ADGRG4: variants seen among roughly 807,000 people sequenced by gnomAD.
ADGRG4 encodes the protein adhesion G protein-coupled receptor G4, also known as G protein-coupled receptor 112.
A neutral mutation model predicts 126.2 loss-of-function variants in ADGRG4; 122 were observed. The observed-to-expected ratio is 0.97, with a 90% confidence interval of 0.83 to 1.12. The LOEUF is 1.12. Among genes scored for constraint, ADGRG4 ranks in the 50% most tolerant of loss-of-function variants. ADGRG4 has a pLI of 0.00. For synonymous variants in ADGRG4, 943 were observed against 838.7 expected (o/e 1.12, Z -2.15); for missense variants, 2,481 against 2,251.8 (o/e 1.10, Z -2.06).
At chrX:136,330,171 A>G (rs181937154) in intron 5 of ADGRG4, among the ~76,000 whole-genome samples, 280 of 111,200 alleles carry the variant, frequency 2.5e-3, no homozygotes, top group Non-Finnish European at 3.7e-3. Flanking sequence ...AAACTTGTGT[A>G]TCTACCAGCA....
Position 136,323,105 on chromosome X carries a change from T to TAGA in ADGRG4, c.400_402dup (p.Glu134dup), listed in dbSNP as rs772857643. The TAGA allele has an allele frequency of 1.7e-6, 2 of 1,211,334 alleles. No homozygotes were observed. The highest frequency in any genetic ancestry group is 2.2e-6 in the Non-Finnish European group (2 of 895,254). ...ATATGGGATGGTGTGAAGGGCAAAT[T>TAGA]AGAACTCTTCCTGAATAAAGAAAGG... On this transcript the variant is annotated inframe_insertion, in exon 5 of 26. Coordinates refer to ENST00000394143, the MANE Select transcript of ADGRG4 (RefSeq NM_153834.4).
intron 5 of ADGRG4, among the ~76,000 whole-genome samples, chrX:136,328,988 A>G (rs776658856): frequency 2.8e-4 from 31 of 111,388 alleles, no homozygotes; most frequent in Non-Finnish European, 5.3e-4. Context: ...CTGTCTGTCT[A>G]TTGCAGCATT....
chrX:136,410,971 T>C (rs763705221), intron 23 of ADGRG4, among the ~76,000 whole-genome samples: 64 of 112,294 alleles, frequency 5.7e-4, no homozygotes, highest in Admixed American at 1.8e-3. Context: ...AACATAAATA[T>C]AAGTCAGGCT....
chrX:136,302,641 G>A (rs1291869531), intron 1 of ADGRG4, among the ~76,000 whole-genome samples: 1 of 111,800 alleles, frequency 8.9e-6, no homozygotes, highest in Non-Finnish European at 1.9e-5. Context: ...TGTTTTGTTT[G>A]CTGCTGAATC....
rs149450873 is a variant in ADGRG4 at position 136,363,329 on chromosome X, A to G, written c.7278-148A>G. ...AAGAGCAAAATTTCTTCATTTCACA[A>G]AGAAGTACTGGGCTCCCACCTTTGC... On this transcript the variant is annotated intron_variant, in intron 12 of 25. Coordinates refer to ENST00000394143, the MANE Select transcript of ADGRG4 (RefSeq NM_153834.4). The G allele has an allele frequency of 5.7e-3, 2,688 of 474,979 alleles. 55 individuals carry two copies. The African/African-American group carries it at 0.057, about 10-fold the overall frequency. 39.1% of individuals were successfully genotyped at this position (474,979 alleles called of 1,213,427 possible).
In ADGRG4 at chrX:136,392,292, A is replaced by G. The variant is rs2075324124; in HGVS notation, c.7972A>G (p.Met2658Val). The G allele has an allele frequency of 8.7e-7, 1 of 1,154,688 alleles. No individual in the cohort carries two copies. The highest frequency in any genetic ancestry group is 2.3e-5 in the Admixed American group (1 of 43,509). The part of the protein sequence containing the change: ...YVVSASISDD[M>V]FIQNLADPVV... ...TGTGAGTGCCAGCATTTCAGATGAT[A>G]TGTTCATTCAAAACTTAGCTGACCC... The change falls in exon 17 of 26, where the codon ATG becomes GTG. Residue 2658 changes from methionine to valine, a missense_variant. Physicochemically the swap from Met to Val is conservative, Grantham distance 21. Transcript: ENST00000394143.
chrX:136,414,694 GA>G lies in ADGRG4; in HGVS notation c.9205+369del, dbSNP rs770030211. 3.8e-3 allele frequency among the ~76,000 whole-genome samples: 423 copies of G among 112,488 alleles called. 1 individual carries two copies. The highest frequency in any genetic ancestry group is 0.013 in the African/African-American group (405 of 31,022). On this transcript the variant is annotated intron_variant, in intron 25 of 25. Coordinates refer to ENST00000394143, the MANE Select transcript of ADGRG4 (RefSeq NM_153834.4). Reference sequence around the variant, plus strand: ...CCAATCCGTTCATTTTACAGTTGAGGAACCTCAATCAGAGAAAAGGAAAATG... The same window carrying G: ...CCAATCCGTTCATTTTACAGTTGAGGACCTCAATCAGAGAAAAGGAAAATG...
intron 22 of ADGRG4, among the ~76,000 whole-genome samples, chrX:136,405,108 T>C (rs1181615893): frequency 8.9e-6 from 1 of 112,233 alleles, no homozygotes; most frequent in Non-Finnish European, 1.9e-5. Flanking sequence ...AGTGTTGCCT[T>C]TGTCATCCAA....
intron 4 of ADGRG4, among the ~76,000 whole-genome samples, chrX:136,319,424 T>C (rs993551673): frequency 4.5e-5 from 5 of 112,232 alleles, no homozygotes; most frequent in African/African-American, 1.6e-4. Context: ...CATGGCCCTA[T>C]GAGGTAGGCA....
At chrX:136,395,077 T>C (rs2075339254) in intron 18 of ADGRG4, among the ~76,000 whole-genome samples, 1 of 110,992 alleles carries the variant, frequency 9.0e-6, no homozygotes, top group Admixed American at 9.7e-5. Context: ...AAAAATATTC[T>C]AGATCTGCTT....
At chrX:136,312,562 G>T (rs2074779085) in intron 4 of ADGRG4, among the ~76,000 whole-genome samples, 1 of 111,849 alleles carries the variant, frequency 8.9e-6, no homozygotes, top group African/African-American at 3.2e-5. Flanking sequence ...GGAAGTGGAG[G>T]TTGCAGTGAG....
rs138686053 is a variant in ADGRG4, at chrX:136,323,577, A to AACACACACAC, written c.685+214_685+223dup. Among the ~76,000 whole-genome samples, 222 of 93,995 alleles carry AACACACACAC rather than the reference A, an allele frequency of 2.4e-3. 1 individual carries two copies. Among genetic ancestry groups the AACACACACAC allele is most frequent in the African/African-American group, 7.4e-3 (188 of 25,355 alleles). The allele number at this position is 93,995 out of a possible 115,157, so 81.6% of individuals were successfully genotyped here. On this transcript the variant is annotated intron_variant, in intron 5 of 25. Coordinates refer to ENST00000394143, the MANE Select transcript of ADGRG4 (RefSeq NM_153834.4). ...AAAGATTGGAAGAATAGGATAGAAG[A>AACACACACAC]ACACACACACACACACACACACACA...
intron 5 of ADGRG4, among the ~76,000 whole-genome samples, chrX:136,335,928 T>G (rs977388248): frequency 1.8e-5 from 2 of 111,137 alleles, no homozygotes; most frequent in African/African-American, 6.5e-5. Flanking sequence ...GGGGTTTTTT[T>G]TAGGCTCTTG....
chrX:136,313,951 C>G (rs766995133), intron 4 of ADGRG4, among the ~76,000 whole-genome samples: 2 of 111,385 alleles, frequency 1.8e-5, no homozygotes, highest in African/African-American at 6.5e-5. Context: ...AATGGCTTCT[C>G]TGCACACACC....
rs1464724702 is a variant in ADGRG4 at position 136,344,692 on chromosome X, A to T, written c.986A>T (p.Gln329Leu). ...STSSAISLPT[Q>L]SISIDNTTNS... is the part of the protein sequence containing the mutation. ...TCATCAGCCATCTCTCTGCCTACCC[A>T]GAGTATATCCATAGACAATACTACC... Residue 329 changes from glutamine to leucine, a missense_variant, in exon 6 of 26, where the codon CAG becomes CTG. Gln to Leu is a moderately radical substitution (Grantham distance 113). Transcript: ENST00000394143. 8.3e-7 allele frequency: 1 copy of T among 1,206,440 alleles called. No homozygotes were observed. Among genetic ancestry groups the T allele is most frequent in the South Asian group, 1.8e-5 (1 of 56,863 alleles).
At position 136,345,419 on chromosome X, in the gene ADGRG4, A is replaced by G. The variant is rs1374596305; in HGVS notation, c.1713A>G (p.Val571=). The change falls in exon 6 of 26, where the codon GTA becomes GTG. Residue 571 remains valine, a synonymous_variant. Coordinates refer to ENST00000394143, the MANE Select transcript of ADGRG4 (RefSeq NM_153834.4). The part of the protein sequence containing the change: ...TSFSFTGTES[V]QTVIDAEATR... ...TTTCATTTACTGGGACTGAGAGTGT[A>G]CAGACAGTTATTGATGCTGAAGCTA... The G allele has an allele frequency of 3.3e-6, 4 of 1,208,452 alleles. No homozygotes were observed. The South Asian group carries it at 7.0e-5, about 21-fold the overall frequency.
rs1423553711 is a variant in ADGRG4 at position 136,347,965 on chromosome X, C to G, written c.4259C>G (p.Thr1420Ser). Reference protein sequence around the residue: ...GQDTSFVDTTTSSSTRISNPM... With the variant: ...GQDTSFVDTTSSSSTRISNPM... ...GATACTTCATTTGTAGATACCACAA[C>G]TTCCAGCTCAACAAGGATATCAAAT... Residue 1420 changes from threonine (T) to serine (S), a missense_variant, in exon 6 of 26, where the codon ACT (threonine) becomes AGT (serine). Coordinates refer to ENST00000394143, the MANE Select transcript of ADGRG4 (RefSeq NM_153834.4). The G allele has an allele frequency of 8.3e-7, 1 of 1,208,240 alleles. No individual in the cohort carries two copies. The highest frequency in any genetic ancestry group is 2.2e-5 in the Admixed American group (1 of 45,779).
chrX:136,401,717 G>T (rs1031224449), intron 21 of ADGRG4, among the ~76,000 whole-genome samples: 5 of 112,156 alleles, frequency 4.5e-5, no homozygotes, highest in Non-Finnish European at 7.5e-5. Flanking sequence ...ATGGATGACC[G>T]CCACGTGAGT....
chrX:136,336,375 G>A (rs772089266), intron 5 of ADGRG4, among the ~76,000 whole-genome samples: 1 of 111,584 alleles, frequency 9.0e-6, no homozygotes, highest in South Asian at 3.7e-4. Context: ...TGATTGTGTT[G>A]TTCAGAACTT....
Sources: allele counts gnomAD v4.1 joint callset (sites outside exome capture counted in the v4.1 genomes callset), GRCh38; gene constraint gnomAD v4.1.1; transcripts MANE v1.5; gene names NCBI Gene and HGNC (gene_info 2026-07-23, HGNC 2026-07-21).